ANO10: variants seen among roughly 807,000 people sequenced by gnomAD.
ANO10 encodes anoctamin-10.
ANO10 carries 77 observed loss-of-function variants against 74.7 expected under a neutral mutation model. The observed-to-expected ratio is 1.03, with a 90% CI of 0.86 to 1.25. ANO10 has a LOEUF of 1.25. Ranked by LOEUF, ANO10 falls within the 50% of genes most tolerant of loss-of-function variation. The probability of loss-of-function intolerance (pLI) is 0.00; values close to 1 mark genes in which losing one functional copy is unlikely to be tolerated. For missense variants in ANO10, 721 were observed against 778.1 expected, an observed-to-expected ratio of 0.93 and a Z score of 0.87; for synonymous variants, 279 against 284.9, an observed-to-expected ratio of 0.98 and a Z score of 0.21.
intron 11 of ANO10, among the ~76,000 whole-genome samples, chr3:43,535,153 T>C (rs2078652558): frequency 6.6e-6 from 1 of 151,966 alleles, no homozygotes; most frequent in South Asian, 2.1e-4. Context: ...TTTGTATTTT[T>C]AGTAGAGATA....
intron 11 of ANO10, among the ~76,000 whole-genome samples, chr3:43,456,335 C>T (rs1344444534): frequency 6.6e-6 from 1 of 152,156 alleles, no homozygotes; most frequent in Non-Finnish European, 1.5e-5. Context: ...TGAGTTTTGC[C>T]TTAAAGGTGC....
intron 12 of ANO10, among the ~76,000 whole-genome samples, chr3:43,409,379 C>T (rs891524926): frequency 1.3e-5 from 2 of 152,112 alleles, no homozygotes; most frequent in Non-Finnish European, 2.9e-5. Flanking sequence ...AAAACCCAGT[C>T]TCTAGAAAAT....
chr3:43,650,762 T>G (rs1444300681), intron 1 of ANO10, among the ~76,000 whole-genome samples: 1 of 152,204 alleles, frequency 6.6e-6, no homozygotes, highest in East Asian at 1.9e-4. Context: ...GTTCTGTTTG[T>G]GTTCATTCAA....
At chr3:43,583,221 T>C (rs149835084) in intron 4 of ANO10, among the ~76,000 whole-genome samples, 126 of 152,094 alleles carry the variant, frequency 8.3e-4, no homozygotes, top group African/African-American at 2.8e-3. Context: ...CTTCTAAAAA[T>C]AGAAGTTTGC....
chr3:43,677,062 C>T (rs1257990175), intron 1 of ANO10, among the ~76,000 whole-genome samples: 1 of 152,148 alleles, frequency 6.6e-6, no homozygotes, highest in East Asian at 1.9e-4. Flanking sequence ...GCACTATTCA[C>T]AATAGCAAAG....
At chr3:43,593,827 A>C (rs2081937835) in intron 4 of ANO10, among the ~76,000 whole-genome samples, 1 of 152,244 alleles carries the variant, frequency 6.6e-6, no homozygotes, top group Non-Finnish European at 1.5e-5. Context: ...AATTGGATAA[A>C]GAGTCGAGAC....
chr3:43,549,542 T>G (rs566751383), intron 11 of ANO10, among the ~76,000 whole-genome samples, 178 bp downstream of exon 11: 1 of 152,278 alleles, frequency 6.6e-6, no homozygotes, highest in East Asian at 1.9e-4. Flanking sequence ...ACTTGGGCAA[T>G]AACCATGAAT....
chr3:43,475,995 T>C (rs1382019918), intron 11 of ANO10, among the ~76,000 whole-genome samples: 1 of 152,206 alleles, frequency 6.6e-6, no homozygotes, highest in African/African-American at 2.4e-5. Flanking sequence ...TCATAATTTT[T>C]CAGTTATTGT....
intron 11 of ANO10, among the ~76,000 whole-genome samples, chr3:43,456,435 G>C (rs2075130862): frequency 6.6e-6 from 1 of 152,220 alleles, no homozygotes; most frequent in Non-Finnish European, 1.5e-5. Flanking sequence ...ACAACGCTGT[G>C]CATCCTTATG....
At chr3:43,565,600 A>G in intron 8 of ANO10, 53 bp downstream of exon 8, 2 of 1,384,990 alleles carry the variant, frequency 1.4e-6, no homozygotes, top group Non-Finnish European at 2.0e-6. Flanking sequence ...CTAAAGATAG[A>G]AAACCACCTC....
chr3:43,398,184 TAAC>T (rs1245414042), intron 12 of ANO10, among the ~76,000 whole-genome samples: 2 of 152,156 alleles, frequency 1.3e-5, no homozygotes, highest in Non-Finnish European at 2.9e-5. Flanking sequence ...TTAGAACAAA[TAAC>T]AACAAATATT....
chr3:43,558,002 G>T (rs2149335912), intron 9 of ANO10, among the ~76,000 whole-genome samples: 1 of 151,362 alleles, frequency 6.6e-6, no homozygotes, highest in Admixed American at 6.6e-5. Flanking sequence ...CTACTCAGGA[G>T]GCTGAGGTAG....
chr3:43,368,453 A>G (rs1485144977), intron 12 of ANO10, among the ~76,000 whole-genome samples: 1 of 152,156 alleles, frequency 6.6e-6, no homozygotes, highest in African/African-American at 2.4e-5. Flanking sequence ...GAGATGGTTT[A>G]ATAGTTCACA....
chr3:43,529,256 T>C (rs2149243355), intron 11 of ANO10, among the ~76,000 whole-genome samples: 1 of 152,336 alleles, frequency 6.6e-6, no homozygotes, highest in Admixed American at 6.5e-5. Context: ...ACTTTGAACC[T>C]TTTGAACCAA....
At chr3:43,683,741 A>C (rs2084234487) in intron 1 of ANO10, among the ~76,000 whole-genome samples, 1 of 152,172 alleles carries the variant, frequency 6.6e-6, no homozygotes, top group Non-Finnish European at 1.5e-5. Context: ...GATATAGACC[A>C]ATGGAACAGA....
intron 1 of ANO10, among the ~76,000 whole-genome samples, chr3:43,634,266 G>A (rs1400642142): frequency 1.3e-5 from 2 of 151,962 alleles, no homozygotes; most frequent in Admixed American, 6.6e-5. Context: ...GTAAGAGAAC[G>A]ATTGCTAGAT....
At chr3:43,678,339 AT>A (rs1286751738) in intron 1 of ANO10, among the ~76,000 whole-genome samples, 3 of 152,216 alleles carry the variant, frequency 2.0e-5, no homozygotes, top group African/African-American at 7.2e-5. Context: ...ATATTGTCTT[AT>A]CCCCACTTTC....
Position 43,443,766 on chromosome 3 carries a change from C to T in ANO10, c.1798-11039G>A, listed in dbSNP as rs9844282. ...CACAGTCTCGGCTCACTGCAACCTC[C>T]ACCTTCCAGGTTCCAACGATTCTCC... On this transcript the variant is annotated intron_variant, in intron 11 of 12. Transcript: ENST00000292246. 1.4e-3 allele frequency among the ~76,000 whole-genome samples: 212 copies of T among 151,112 alleles called. 1 individual carries two copies. Among genetic ancestry groups the T allele is most frequent in the African/African-American group, 5.0e-3 (204 of 41,110 alleles).
intron 1 of ANO10, among the ~76,000 whole-genome samples, chr3:43,610,625 C>T (rs1337192931): frequency 6.6e-6 from 1 of 152,194 alleles, no homozygotes; most frequent in Admixed American, 6.5e-5. Context: ...AACATATATG[C>T]AGTCTGTTGT....
Sources: gnomAD v4.1 joint callset for allele counts (sites outside exome capture counted in the v4.1 genomes callset) on GRCh38, gnomAD v4.1.1 for gene constraint, MANE v1.5 for transcripts, NCBI Gene and HGNC (gene_info 2026-07-23, HGNC 2026-07-21) for gene names.